Variants in TTLL7 observed in about 807,000 individuals in gnomAD.
The protein encoded by TTLL7 is tubulin tyrosine ligase like 7.
A neutral mutation model predicts 120.2 loss-of-function variants in TTLL7; 53 were observed. The ratio of observed to expected loss-of-function variants is 0.44; its 90% CI spans 0.35 to 0.55. TTLL7 has a LOEUF of 0.55. Ranked by LOEUF, TTLL7 falls within the 20% of genes least tolerant of loss-of-function variation. The pLI, the probability that TTLL7 is intolerant of heterozygous loss-of-function variation, is 0.00. For synonymous variants in TTLL7, 353 were observed against 351.7 expected, an observed-to-expected ratio of 1.00 and a Z score of -0.04; for missense variants, 803 against 1,054.7, an observed-to-expected ratio of 0.76 and a Z score of 3.31.
At chr1:83,935,527 AGTAAGG>A (rs939054642) in intron 8 of TTLL7, among the ~76,000 whole-genome samples, 3 of 125,506 alleles carry the variant, frequency 2.4e-5, no homozygotes, top group African/African-American at 5.1e-5. Context: ...TACAAAAAGC[AGTAAGG>A]ATAGTTTTTT....
At chr1:83,899,915 A>C (rs1388866434) in intron 18 of TTLL7, among the ~76,000 whole-genome samples, 4 of 152,030 alleles carry the variant, frequency 2.6e-5, no homozygotes, top group African/African-American at 9.7e-5. Context: ...TTCACACCAA[A>C]TATTCTTAGA....
chr1:83,903,226 A>C (rs549912187), intron 18 of TTLL7, among the ~76,000 whole-genome samples: 1 of 152,112 alleles, frequency 6.6e-6, no homozygotes, highest in South Asian at 2.1e-4. Flanking sequence ...TTTCCAGCTA[A>C]AACAGACTAT....
intron 14 of TTLL7, among the ~76,000 whole-genome samples, chr1:83,913,400 T>G (rs982232735): frequency 5.3e-5 from 8 of 152,232 alleles, no homozygotes; most frequent in African/African-American, 1.9e-4. Flanking sequence ...TATTTATTAT[T>G]TATGTAGCTA....
Position 83,929,117 on chromosome 1 carries a change from G to T in TTLL7, c.1142+19C>A. 10 of 1,552,076 alleles carry T rather than the reference G, an allele frequency of 6.4e-6. No individual in the cohort carries two copies. The highest frequency in any genetic ancestry group is 1.7e-4 in the Middle Eastern group (1 of 5,918). The stretch of plus-strand genomic sequence containing the variant: ...CAAATGTGGAGATAAATGTCCAAAA[G>T]ATAGAGAGAGTATTTTACCTTATGT... On this transcript the variant is annotated intron_variant, in intron 10 of 20. Transcript: ENST00000260505.
chr1:83,887,316 T>C, intron 19 of TTLL7: 1 of 927,706 alleles, frequency 1.1e-6, no homozygotes, highest in Non-Finnish European at 1.5e-6. Context: ...TATATTAAAA[T>C]CATTCCTTAA....
At chr1:83,919,159 G>A (rs1296854919) in intron 13 of TTLL7, among the ~76,000 whole-genome samples, 16 of 151,932 alleles carry the variant, frequency 1.1e-4, no homozygotes, top group Non-Finnish European at 2.2e-4. Context: ...CCACTCAGCT[G>A]TGCCCAGCCA....
chr1:83,931,937 A>C (rs1344744605), intron 9 of TTLL7, among the ~76,000 whole-genome samples: 1 of 152,196 alleles, frequency 6.6e-6, no homozygotes, highest in African/African-American at 2.4e-5. Flanking sequence ...GGCAAGATTG[A>C]AGATTCTTTT....
In TTLL7 at chr1:83,937,000, T is replaced by C. The variant is rs1320211907; in HGVS notation, c.888+852A>G. 3.3e-5 allele frequency among the ~76,000 whole-genome samples: 5 copies of C among 152,244 alleles called. No homozygotes were observed. The East Asian group carries it at 5.8e-4, about 18-fold the overall frequency. ...CTTTGGATTTATGGCCTGTGATATATAGAAAGTAAGATAAAAATGTCAACA... is the reference window on the plus strand; with the variant it reads ...CTTTGGATTTATGGCCTGTGATATACAGAAAGTAAGATAAAAATGTCAACA... On this transcript the variant is annotated intron_variant, in intron 8 of 20. Coordinates refer to ENST00000260505, the MANE Select transcript of TTLL7 (RefSeq NM_024686.6).
chr1:83,928,666 G>C (rs936584887), intron 10 of TTLL7, among the ~76,000 whole-genome samples: 2 of 152,012 alleles, frequency 1.3e-5, no homozygotes, highest in African/African-American at 4.8e-5. Context: ...CCTCTGGAGA[G>C]AAAGTTAGGA....
chr1:83,940,033 T>TA (rs1345332277), intron 7 of TTLL7, among the ~76,000 whole-genome samples: 2 of 152,146 alleles, frequency 1.3e-5, no homozygotes, highest in African/African-American at 4.8e-5. Flanking sequence ...ATTCTAGAGA[T>TA]ATATGAGTGA....
intron 1 of TTLL7, among the ~76,000 whole-genome samples, chr1:83,957,440 T>C (rs966558282): frequency 2.0e-5 from 3 of 152,134 alleles, no homozygotes; most frequent in Admixed American, 6.5e-5. Context: ...AAAAACATAA[T>C]AAGAGCTGTT....
intron 6 of TTLL7, chr1:83,946,532 T>C (rs138144789): frequency 8.5e-5 from 13 of 152,362 alleles, no homozygotes; most frequent in African/African-American, 2.9e-4. Flanking sequence ...CCGTGTATAA[T>C]TGTACATGCT....
chr1:83,937,348 C>T (rs2389648), intron 8 of TTLL7, among the ~76,000 whole-genome samples: 72,300 of 151,296 alleles, frequency 0.48, 18,252 homozygotes, highest in Non-Finnish European at 0.57. Flanking sequence ...ATTACAGGAG[C>T]GCGCCACCAC....
chr1:83,891,707 C>T (rs1178504172), intron 18 of TTLL7, among the ~76,000 whole-genome samples: 1 of 152,082 alleles, frequency 6.6e-6, no homozygotes, highest in Non-Finnish European at 1.5e-5. Context: ...ATACTCACCC[C>T]CTCTGGACTA....
At chr1:83,975,472 G>C (rs534728630) in intron 1 of TTLL7, among the ~76,000 whole-genome samples, 1 of 151,818 alleles carries the variant, frequency 6.6e-6, no homozygotes, top group South Asian at 2.1e-4. Context: ...GACTTAGACA[G>C]ATCTGTTTGA....
At chr1:83,971,953 A>C (rs547959483) in intron 1 of TTLL7, among the ~76,000 whole-genome samples, 1 of 152,130 alleles carries the variant, frequency 6.6e-6, no homozygotes, top group South Asian at 2.1e-4. Context: ...TAAATACTTA[A>C]TTTTTAAGAG....
chr1:83,919,068 C>A (rs1290910570), intron 13 of TTLL7, among the ~76,000 whole-genome samples: 1 of 152,016 alleles, frequency 6.6e-6, no homozygotes, highest in African/African-American at 2.4e-5. Context: ...GTGAGTGAAG[C>A]TACCCTGGAT....
chr1:83,901,096 A>C (rs1001745243), intron 18 of TTLL7, among the ~76,000 whole-genome samples: 1 of 151,908 alleles, frequency 6.6e-6, no homozygotes, highest in Non-Finnish European at 1.5e-5. Flanking sequence ...TTGGTTCACT[A>C]GTGTTACTTG....
At chr1:83,883,192 C>G in intron 19 of TTLL7, 56 bp from the exon 20 acceptor site, 1 of 1,404,932 alleles carries the variant, frequency 7.1e-7, no homozygotes, top group Non-Finnish European at 9.6e-7. Context: ...TGACAACCAG[C>G]TATATATCAC....
Sources: allele counts gnomAD v4.1 joint callset (sites outside exome capture counted in the v4.1 genomes callset), GRCh38; gene constraint gnomAD v4.1.1; transcripts MANE v1.5; gene names NCBI Gene and HGNC (gene_info 2026-07-23, HGNC 2026-07-21).